EML6: variants seen among roughly 807,000 people sequenced by gnomAD.
The protein encoded by EML6 is EMAP like 6.
A neutral mutation model predicts 240.1 loss-of-function variants in EML6; 154 were observed. That is an observed-to-expected ratio of 0.64 (90% confidence interval 0.56 to 0.73). EML6 has a LOEUF of 0.73. EML6 is among the 30% of genes least tolerant of loss of function. EML6 has a pLI of 0.00. For synonymous variants in EML6, 1,148 were observed against 899.0 expected, an observed-to-expected ratio of 1.28 and a Z score of -4.95; for missense variants, 2,964 against 2,474.6, an observed-to-expected ratio of 1.20 and a Z score of -4.20.
At position 54,906,220 on chromosome 2, in the gene EML6, C is replaced by G. The variant is rs80118553; in HGVS notation, c.3409+2718C>G. Among the ~76,000 whole-genome samples, 761 of 152,330 alleles carry G rather than the reference C, an allele frequency of 5.0e-3. 3 individuals carry two copies. Among genetic ancestry groups the G allele is most frequent in the Non-Finnish European group, 7.1e-3 (480 of 68,036 alleles). ...TGTGTTTATTTTGATAATAGCTGTC[C>G]TAATGGATATGAAGTGTATCTCATT... On this transcript the variant is annotated intron_variant, in intron 24 of 41. Transcript: ENST00000356458.
intron 17 of EML6, among the ~76,000 whole-genome samples, chr2:54,887,944 A>G (rs1260022769): frequency 1.3e-5 from 2 of 152,220 alleles, no homozygotes; most frequent in East Asian, 1.9e-4. Flanking sequence ...CGCAGTTTAT[A>G]TTAGCATTCA....
intron 2 of EML6, among the ~76,000 whole-genome samples, chr2:54,778,689 C>T (rs375003473): frequency 2.6e-5 from 4 of 151,768 alleles, no homozygotes; most frequent in African/African-American, 9.7e-5. Context: ...GAGATCGAGA[C>T]CATCCTGGCT....
chr2:54,923,308 A>G (rs1674357509), intron 26 of EML6, among the ~76,000 whole-genome samples: 1 of 150,010 alleles, frequency 6.7e-6, no homozygotes, highest in African/African-American at 2.4e-5. Context: ...ACTGTATTTA[A>G]TTATACTGTA....
intron 7 of EML6, among the ~76,000 whole-genome samples, chr2:54,839,114 G>T (rs546811682): frequency 1.4e-4 from 22 of 152,304 alleles, no homozygotes; most frequent in Non-Finnish European, 2.9e-5. Context: ...CTCTGGGTTT[G>T]TGTCAGAAGT....
rs555439002 is a variant in EML6 at position 54,768,337 on chromosome 2, A to G, written c.197+43079A>G. ...TGCAATGTTTTGGCATCTTATTGCT[A>G]GAACTACTGATAGATATGGTATCTC... On this transcript the variant is annotated intron_variant, in intron 2 of 41. Coordinates refer to ENST00000356458, the MANE Select transcript of EML6 (RefSeq NM_001039753.4). 4.6e-5 allele frequency among the ~76,000 whole-genome samples: 7 copies of G among 152,302 alleles called. No individual in the cohort carries two copies. In the South Asian group the frequency reaches 8.3e-4, roughly 18 times the overall value.
Position 54,869,205 on chromosome 2 carries a change from C to T in EML6, c.2076C>T (p.Asn692=). The stretch of plus-strand genomic sequence containing the variant: ...GTTATAGAGGCTACGACTGTAGAAA[C>T]AATCTGTTCTACACACAAGCTGGAG... The part of the protein sequence containing the change: ...IHGYRGYDCR[N]NLFYTQAGEV... Residue 692 remains asparagine (N), a synonymous_variant, in exon 15 of 42, where the codon AAC becomes AAT. Transcript: ENST00000356458. 1.3e-6 allele frequency: 2 copies of T among 1,551,016 alleles called. No individual in the cohort carries two copies. Among genetic ancestry groups the T allele is most frequent in the Non-Finnish European group, 8.7e-7 (1 of 1,146,276 alleles).
intron 7 of EML6, 73 bp from the exon 8 acceptor site, chr2:54,843,974 G>A (rs1669610951): frequency 3.4e-6 from 3 of 880,736 alleles, no homozygotes; most frequent in Admixed American, 2.0e-5. Context: ...TTGTGTGTGT[G>A]TGTGTGTGTG....
At chr2:54,964,760 G>C (rs185903289) in intron 38 of EML6, 27 bp downstream of exon 38, 94 of 1,549,818 alleles carry the variant, frequency 6.1e-5, no homozygotes, top group South Asian at 3.0e-4. Context: ...CTTATATCTG[G>C]GGCAACCAAT....
At chr2:54,954,260 C>T (rs1365329809) in intron 32 of EML6, 104 bp downstream of exon 32, 8 of 1,033,048 alleles carry the variant, frequency 7.7e-6, no homozygotes, top group South Asian at 3.5e-5. Flanking sequence ...CTGCCGTAGG[C>T]ACTGACTGCT....
At chr2:54,823,919 C>T (rs1668463483) in intron 5 of EML6, among the ~76,000 whole-genome samples, 1 of 122,430 alleles carries the variant, frequency 8.2e-6, no homozygotes, top group African/African-American at 3.0e-5. Flanking sequence ...ATCACTACCT[C>T]CTAAATTAAA....
chr2:54,823,876 C>T (rs921776188), intron 5 of EML6, among the ~76,000 whole-genome samples: 1 of 142,010 alleles, frequency 7.0e-6, no homozygotes, highest in African/African-American at 2.7e-5. Context: ...CTCTCTCTCT[C>T]TTTCTGTCTC....
At chr2:54,893,448 C>T (rs1442453013) in intron 19 of EML6, among the ~76,000 whole-genome samples, 2 of 152,138 alleles carry the variant, frequency 1.3e-5, no homozygotes, top group African/African-American at 2.4e-5. Flanking sequence ...CCCACTCCTA[C>T]AATAATGGCA....
intron 7 of EML6, among the ~76,000 whole-genome samples, chr2:54,831,567 C>T (rs371922377): frequency 1.1e-4 from 17 of 152,346 alleles, no homozygotes; most frequent in Middle Eastern, 3.4e-3. Flanking sequence ...GATCAAAGCA[C>T]ATCTGGCTGG....
chr2:54,856,016 T>A (rs1670356442), intron 11 of EML6, among the ~76,000 whole-genome samples: 5 of 152,240 alleles, frequency 3.3e-5, no homozygotes, highest in Admixed American at 3.3e-4. Flanking sequence ...CATTGTGATT[T>A]TTAAAAACTC....
At position 54,910,980 on chromosome 2, in the gene EML6, G is replaced by A. The variant is rs904347364; in HGVS notation, c.3436G>A (p.Ala1146Thr). Residue 1146 changes from alanine (A) to threonine (T), a missense_variant, in exon 25 of 42, where the codon GCC becomes ACC. By Grantham distance (58) the Ala-to-Thr change is moderately conservative (BLOSUM62 0). Coordinates refer to ENST00000356458, the MANE Select transcript of EML6 (RefSeq NM_001039753.4). ...AAAATTATTGCAAGTGAATTCAGGTGCCAGAGAACAACTTTTTTTTGAAGC... is the reference window on the plus strand; with the variant it reads ...AAAATTATTGCAAGTGAATTCAGGTACCAGAGAACAACTTTTTTTTGAAGC... ...RGKLLQVNSG[A>T]REQLFFEAPR... 6.5e-7 allele frequency: 1 copy of A among 1,535,792 alleles called. No homozygotes were observed. The highest frequency in any genetic ancestry group is 8.8e-7 in the Non-Finnish European group (1 of 1,135,608).
At chr2:54,903,549 A>G (rs1437093750) in intron 24 of EML6, 47 bp downstream of exon 24, 2 of 1,342,076 alleles carry the variant, frequency 1.5e-6, no homozygotes, top group Non-Finnish European at 2.0e-6. Context: ...TGTTTAAAAA[A>G]TGTCCATTTA....
chr2:54,853,721 T>C lies in EML6; in HGVS notation c.1523T>C (p.Val508Ala). 5 of 1,551,600 alleles carry C rather than the reference T, an allele frequency of 3.2e-6. No homozygotes were observed. The highest frequency in any genetic ancestry group is 4.4e-6 in the Non-Finnish European group (5 of 1,146,934). ...TGGACATGCGTGAAAGGCCCTGAAG[T>C]GAGTGGAATTTGGCCCAAATACACT... Reference protein sequence around the residue: ...ASWTCVKGPEVSGIWPKYTEV... With the variant: ...ASWTCVKGPEASGIWPKYTEV... The change falls in exon 11 of 42, where the codon GTG becomes GCG. Residue 508 changes from valine to alanine, a missense_variant. Physicochemically the swap from Val to Ala is moderately conservative, Grantham distance 64. Transcript: ENST00000356458.
intron 7 of EML6, among the ~76,000 whole-genome samples, chr2:54,830,617 G>A (rs964642937): frequency 6.6e-6 from 1 of 152,178 alleles, no homozygotes. Context: ...GCAGTGCGCG[G>A]TGCTCTCTGC....
intron 11 of EML6, among the ~76,000 whole-genome samples, chr2:54,856,569 A>G (rs1293931311): frequency 6.6e-6 from 1 of 152,184 alleles, no homozygotes; most frequent in Admixed American, 6.5e-5. Flanking sequence ...TGGATCTTAG[A>G]TCTTGGAGGG....
Sources: allele counts gnomAD v4.1 joint callset (sites outside exome capture counted in the v4.1 genomes callset), GRCh38; gene constraint gnomAD v4.1.1; transcripts MANE v1.5; gene names NCBI Gene and HGNC (gene_info 2026-07-23, HGNC 2026-07-21).